Variants in RHEB observed in about 807,000 individuals in gnomAD.
The protein encoded by RHEB is GTP-binding protein Rheb.
A neutral mutation model predicts 28.8 loss-of-function variants in RHEB; 2 were observed. The observed-to-expected ratio is 0.07, with a 90% CI of 0.03 to 0.22. RHEB has a LOEUF of 0.22. Ranked by LOEUF, RHEB falls within the 10% of genes least tolerant of loss-of-function variation. The pLI, the probability that RHEB is intolerant of heterozygous loss-of-function variation, is 1.00. For synonymous variants in RHEB, 69 were observed against 77.3 expected (o/e 0.89, Z 0.56); for missense variants, 76 against 219.9 (o/e 0.35, Z 4.14).
intron 1 of RHEB, chr7:151,503,517 AC>A: frequency 1.3e-6 from 1 of 777,742 alleles, no homozygotes; most frequent in Non-Finnish European, 2.2e-6. Flanking sequence ...CAAGAAGCAT[AC>A]CCATGGTGGA....
chr7:151,498,447 CCA>C (rs1802712014), intron 1 of RHEB, among the ~76,000 whole-genome samples: 1 of 151,972 alleles, frequency 6.6e-6, no homozygotes, highest in South Asian at 2.1e-4. Flanking sequence ...TGAGACCCCC[CCA>C]GTCTCTATAA....
At chr7:151,477,885 C>T (rs754778631) in intron 3 of RHEB, among the ~76,000 whole-genome samples, 1 of 151,690 alleles carries the variant, frequency 6.6e-6, no homozygotes, top group Non-Finnish European at 1.5e-5. Context: ...CTACAGGTTG[C>T]TAGAGGGGTG....
At chr7:151,478,787 A>C (rs2150923547) in intron 3 of RHEB, among the ~76,000 whole-genome samples, 1 of 152,210 alleles carries the variant, frequency 6.6e-6, no homozygotes, top group East Asian at 1.9e-4. Context: ...AGGCTACACC[A>C]CCACACCTGG....
intron 1 of RHEB, chr7:151,498,055 T>C (rs1410753356): frequency 8.4e-7 from 1 of 1,188,690 alleles, no homozygotes; most frequent in Non-Finnish European, 1.1e-6. Flanking sequence ...TTACAGAAAA[T>C]GATCTCAGCC....
In RHEB at chr7:151,497,353, G is replaced by A. The variant is rs865899271; in HGVS notation, c.53-6339C>T. The stretch of plus-strand genomic sequence containing the variant: ...TGAGTCCCACTCAAATCTACTGGAT[G>A]CGCAATTCCAGAATGGAAGTATGAA... On this transcript the variant is annotated intron_variant, in intron 1 of 7. Transcript: ENST00000262187. 3.3e-5 allele frequency among the ~76,000 whole-genome samples: 5 copies of A among 152,288 alleles called. No individual in the cohort carries two copies. The Middle Eastern group carries it at 0.01, about 311-fold the overall frequency.
intron 1 of RHEB, among the ~76,000 whole-genome samples, chr7:151,499,864 A>G (rs1802742078): frequency 6.6e-6 from 1 of 152,216 alleles, no homozygotes; most frequent in South Asian, 2.1e-4. Context: ...GCTGGAGTGC[A>G]GTAGAGCAAT....
intron 3 of RHEB, among the ~76,000 whole-genome samples, chr7:151,480,529 G>T (rs79922444): frequency 4.0e-5 from 6 of 151,864 alleles, no homozygotes; most frequent in Non-Finnish European, 7.4e-5. Flanking sequence ...GGGTAGGAAC[G>T]TCTTAAGTTT....
At chr7:151,478,506 A>C (rs1373554908) in intron 3 of RHEB, among the ~76,000 whole-genome samples, 1 of 152,206 alleles carries the variant, frequency 6.6e-6, no homozygotes, top group African/African-American at 2.4e-5. Flanking sequence ...GTAGGTTCAA[A>C]GTTAAAATTC....
At chr7:151,485,614 G>C (rs918807976) in intron 2 of RHEB, among the ~76,000 whole-genome samples, 10 of 152,152 alleles carry the variant, frequency 6.6e-5, no homozygotes, top group African/African-American at 2.2e-4. Flanking sequence ...TATATGACTA[G>C]AGCCAGGCAG....
intron 1 of RHEB, among the ~76,000 whole-genome samples, chr7:151,508,640 T>C (rs1563101223): frequency 1.3e-5 from 2 of 151,782 alleles, no homozygotes; most frequent in African/African-American, 4.8e-5. Flanking sequence ...TTTAGTTTTT[T>C]TTTTTTTTTG....
chr7:151,470,003 G>A (rs982917240), intron 7 of RHEB, among the ~76,000 whole-genome samples: 1 of 152,122 alleles, frequency 6.6e-6, no homozygotes, highest in Admixed American at 6.6e-5. Context: ...CTAAATTAGA[G>A]CAATGGAAGA....
chr7:151,493,016 T>G (rs1295553433), intron 1 of RHEB, among the ~76,000 whole-genome samples: 2 of 151,948 alleles, frequency 1.3e-5, no homozygotes, highest in Admixed American at 1.3e-4. Flanking sequence ...ATTTTTTTTG[T>G]ATTTTTAGTA....
intron 1 of RHEB, among the ~76,000 whole-genome samples, chr7:151,493,647 C>T (rs1802625631): frequency 6.6e-6 from 1 of 152,132 alleles, no homozygotes; most frequent in Non-Finnish European, 1.5e-5. Flanking sequence ...CACAGTTCAA[C>T]AGAAATTAAG....
intron 3 of RHEB, among the ~76,000 whole-genome samples, chr7:151,483,955 C>T (rs751897713): frequency 2.6e-4 from 39 of 152,124 alleles, no homozygotes; most frequent in South Asian, 4.1e-4. Context: ...CTACATTAAC[C>T]GACATGTGAA....
chr7:151,502,064 T>G, intron 1 of RHEB: 1 of 403,228 alleles, frequency 2.5e-6, no homozygotes, highest in Non-Finnish European at 4.6e-6. Flanking sequence ...GGTGAAACCC[T>G]GTCTCTACTA....
At chr7:151,474,923 TA>T (rs1361438300) in intron 4 of RHEB, among the ~76,000 whole-genome samples, 1 of 152,212 alleles carries the variant, frequency 6.6e-6, no homozygotes, top group Non-Finnish European at 1.5e-5. Flanking sequence ...TATAGGTTTC[TA>T]AAAAACAAAA....
chr7:151,516,622 CAAAAAAA>C (rs551863062), intron 1 of RHEB, among the ~76,000 whole-genome samples: 1 of 91,978 alleles, frequency 1.1e-5, no homozygotes, highest in African/African-American at 4.4e-5. Flanking sequence ...GACTCTGTCA[CAAAAAAA>C]AAAAAAAAAA....
chr7:151,495,223 T>A (rs1802653024), intron 1 of RHEB, among the ~76,000 whole-genome samples: 1 of 152,196 alleles, frequency 6.6e-6, no homozygotes, highest in Admixed American at 6.5e-5. Context: ...AAATGTTACA[T>A]GAAAACTACA....
At position 151,519,465 on chromosome 7, in the gene RHEB, GACCGGTA is replaced by G. The variant is rs1803142126; in HGVS notation, c.40_46del (p.Tyr14LeufsTer7). ...CGCGGCCACCGGCCACTCACCCACA[GACCGGTA>G]GCCCAGGATCGCGATCTTCCGGGAC... On this transcript the variant is annotated frameshift_variant, in exon 1 of 8. Coordinates refer to ENST00000262187, the MANE Select transcript of RHEB (RefSeq NM_005614.4). LOFTEE classifies it high-confidence loss of function. The G allele has an allele frequency of 6.5e-7, 1 of 1,532,086 alleles. No individual in the cohort carries two copies. Among genetic ancestry groups the G allele is most frequent in the Admixed American group, 1.9e-5 (1 of 53,118 alleles). 94.9% of individuals were successfully genotyped at this position (1,532,086 alleles called of 1,614,324 possible).
Sources: gnomAD v4.1 joint callset for allele counts (sites outside exome capture counted in the v4.1 genomes callset) on GRCh38, gnomAD v4.1.1 for gene constraint, MANE v1.5 for transcripts, NCBI Gene and HGNC (gene_info 2026-07-23, HGNC 2026-07-21) for gene names.